TMPRSS15: variants seen among roughly 807,000 people sequenced by gnomAD.
The protein encoded by TMPRSS15 is transmembrane serine protease 15, also known as enteropeptidase.
In TMPRSS15, 128 loss-of-function variants were observed where a neutral mutation model predicts 125.3. The observed-to-expected ratio is 1.02, with a 90% confidence interval of 0.89 to 1.18. The LOEUF is 1.18. Ranked by LOEUF, TMPRSS15 falls within the 50% of genes most tolerant of loss-of-function variation. The pLI, the probability that TMPRSS15 is intolerant of heterozygous loss-of-function variation, is 0.00. For synonymous variants in TMPRSS15, 446 were observed against 423.2 expected (o/e 1.05, Z -0.66); for missense variants, 1,283 against 1,212.7 (o/e 1.06, Z -0.86).
chr21:18,381,211 T>C (rs1424566297), intron 4 of TMPRSS15, among the ~76,000 whole-genome samples: 2 of 152,140 alleles, frequency 1.3e-5, no homozygotes, highest in African/African-American at 4.8e-5. Flanking sequence ...AAGAAGTATA[T>C]TCGTTTCTAC....
At chr21:18,413,316 C>CCTTCT (rs2076171720) in intron 1 of TMPRSS15, among the ~76,000 whole-genome samples, 1 of 48,708 alleles carries the variant, frequency 2.1e-5, no homozygotes, top group African/African-American at 9.3e-5. Context: ...CTTTCTTTTC[C>CCTTCT]TTCCTTCCTT....
chr21:18,304,088 C>T (rs1266583289), intron 18 of TMPRSS15, among the ~76,000 whole-genome samples: 2 of 152,158 alleles, frequency 1.3e-5, no homozygotes, highest in Non-Finnish European at 2.9e-5. Flanking sequence ...ATTTCTGATG[C>T]AGGTTTTAAA....
At chr21:18,472,765 AG>A (rs1476019559) in intron 1 of TMPRSS15, among the ~76,000 whole-genome samples, 1 of 152,050 alleles carries the variant, frequency 6.6e-6, no homozygotes, top group African/African-American at 2.4e-5. Flanking sequence ...GAAACTGAGT[AG>A]CTACTAAAAT....
chr21:18,483,514 C>T (rs913385304), intron 1 of TMPRSS15, among the ~76,000 whole-genome samples: 3 of 151,798 alleles, frequency 2.0e-5, no homozygotes, highest in African/African-American at 4.8e-5. Flanking sequence ...TTGTAGTTTA[C>T]ATAGCGTAAC....
intron 19 of TMPRSS15, 136 bp from the exon 20 acceptor site, chr21:18,294,788 A>T (rs946801247): frequency 6.5e-6 from 5 of 771,104 alleles, no homozygotes; most frequent in Non-Finnish European, 1.1e-5. Flanking sequence ...AGGGAGACTG[A>T]ATTGTAAGCC....
At position 18,365,258 on chromosome 21, in the gene TMPRSS15, G is replaced by A; in HGVS notation, c.665-10C>T. 3.7e-6 allele frequency: 6 copies of A among 1,606,312 alleles called. No individual in the cohort carries two copies. Among genetic ancestry groups the A allele is most frequent in the Non-Finnish European group, 5.1e-6 (6 of 1,172,970 alleles). ...CCATCACAAACTGTGGCTGCAAAAC[G>A]ATGCCAATTAATGTTAGACAAAAAC... On this transcript the variant is annotated splice_polypyrimidine_tract_variant and intron_variant, in intron 6 of 24. Coordinates refer to ENST00000284885, the MANE Select transcript of TMPRSS15 (RefSeq NM_002772.3).
intron 21 of TMPRSS15, among the ~76,000 whole-genome samples, chr21:18,290,473 T>C (rs2074820460): frequency 6.7e-6 from 1 of 149,734 alleles, no homozygotes; most frequent in Admixed American, 6.6e-5. Context: ...AGGACTATAT[T>C]AAGGCTGATA....
intron 6 of TMPRSS15, among the ~76,000 whole-genome samples, chr21:18,365,795 A>G (rs2075731073): frequency 7.1e-6 from 1 of 141,198 alleles, no homozygotes; most frequent in Non-Finnish European, 1.5e-5. Flanking sequence ...GTGTGCTGGA[A>G]TGCAACGGCG....
intron 1 of TMPRSS15, among the ~76,000 whole-genome samples, chr21:18,473,489 T>G (rs1326451443): frequency 6.6e-6 from 1 of 152,114 alleles, no homozygotes; most frequent in Admixed American, 6.6e-5. Flanking sequence ...GGTCCAACTT[T>G]GACCTTTCTT....
At chr21:18,429,272 T>TCAGATGA (rs1428789905) in intron 1 of TMPRSS15, among the ~76,000 whole-genome samples, 4 of 152,252 alleles carry the variant, frequency 2.6e-5, no homozygotes, top group African/African-American at 9.6e-5. Context: ...TTGCCTTGTG[T>TCAGATGA]CAGATGAGAC....
At chr21:18,407,435 CT>C (rs1181848689), upstream of TMPRSS15, among the ~76,000 whole-genome samples, 10 of 130,282 alleles carry the variant, frequency 7.7e-5, no homozygotes, top group African/African-American at 2.9e-4. Flanking sequence ...CTTTCTTTTT[CT>C]TTTTTTCTTT....
chr21:18,436,465 G>A (rs1218941194), intron 1 of TMPRSS15, among the ~76,000 whole-genome samples: 4 of 152,040 alleles, frequency 2.6e-5, no homozygotes. Flanking sequence ...TTAATCTTGA[G>A]TTCTAGTTTG....
chr21:18,403,035 T>A (rs1269595738), intron 1 of TMPRSS15, among the ~76,000 whole-genome samples: 3 of 152,194 alleles, frequency 2.0e-5, no homozygotes, highest in African/African-American at 7.2e-5. Context: ...GATAAGAGAA[T>A]GAAGATAGAA....
Position 18,275,330 on chromosome 21 carries a change from G to A in TMPRSS15, c.2771C>T (p.Thr924Ile), listed in dbSNP as rs2074606745. 1 of 1,613,774 alleles carries A rather than the reference G, an allele frequency of 6.2e-7. No homozygotes were observed. The highest frequency in any genetic ancestry group is 8.5e-7 in the Non-Finnish European group (1 of 1,179,980). Reference sequence around the variant, plus strand: ...ATCAGCTTCTTGCAATATGTTTGCAGTAGTACCTGCTCAAAATGGAGAATG... The same window carrying A: ...ATCAGCTTCTTGCAATATGTTTGCAATAGTACCTGCTCAAAATGGAGAATG... ...GWGTVVYQGTTANILQEADVP... is the reference protein window; with the variant it reads ...GWGTVVYQGTIANILQEADVP... Residue 924 changes from threonine (T) to isoleucine (I), a missense_variant, in exon 24 of 25, where the codon ACT (threonine) becomes ATT (isoleucine). Transcript: ENST00000284885.
chr21:18,313,976 T>G (rs2075130491), intron 17 of TMPRSS15, among the ~76,000 whole-genome samples: 1 of 152,020 alleles, frequency 6.6e-6, no homozygotes, highest in Admixed American at 6.6e-5. Context: ...TTTACAACCA[T>G]TTTGAACAGA....
At chr21:18,392,410 G>A (rs2075998434) in intron 3 of TMPRSS15, among the ~76,000 whole-genome samples, 1 of 152,254 alleles carries the variant, frequency 6.6e-6, no homozygotes, top group Non-Finnish European at 1.5e-5. Flanking sequence ...TTTGTTAAAG[G>A]ATAGTAAGAA....
Position 18,403,477 on chromosome 21 carries a change from C to A in TMPRSS15, c.145+1G>T, listed in dbSNP as rs1450304027. ...TCACGAGCCAACTCCATGTGACTTA[C>A]CTCGTTGGGATTCCTTGATTGTCAG... On this transcript the variant is annotated splice_donor_variant, in intron 1 of 24. Coordinates refer to ENST00000284885, the MANE Select transcript of TMPRSS15 (RefSeq NM_002772.3). LOFTEE classifies it high-confidence loss of function. 1.9e-6 allele frequency: 3 copies of A among 1,614,140 alleles called. No individual in the cohort carries two copies. Among genetic ancestry groups the A allele is most frequent in the Non-Finnish European group, 2.5e-6 (3 of 1,180,002 alleles).
chr21:18,444,276 A>T (rs2076250026), intron 1 of TMPRSS15, among the ~76,000 whole-genome samples: 1 of 152,352 alleles, frequency 6.6e-6, no homozygotes, highest in Middle Eastern at 3.4e-3. Flanking sequence ...AATGTTGTAT[A>T]TGTACATCAC....
intron 1 of TMPRSS15, among the ~76,000 whole-genome samples, chr21:18,471,551 C>T (rs1978781265): frequency 6.6e-6 from 1 of 151,702 alleles, no homozygotes; most frequent in Admixed American, 6.6e-5. Flanking sequence ...AGCTGACAAA[C>T]CTGCAGTGCA....
Sources: allele counts gnomAD v4.1 joint callset (sites outside exome capture counted in the v4.1 genomes callset), GRCh38; gene constraint gnomAD v4.1.1; transcripts MANE v1.5; gene names NCBI Gene and HGNC (gene_info 2026-07-23, HGNC 2026-07-21).